The following GLCCI1 variants were observed in gnomAD, a reference collection of about 807,000 sequenced individuals.
GLCCI1 encodes the protein glucocorticoid-induced transcript 1 protein.
GLCCI1 carries 24 observed loss-of-function variants against 52.2 expected under a neutral mutation model. The observed-to-expected ratio is 0.46, with a 90% CI of 0.33 to 0.65. The LOEUF (loss-of-function observed/expected upper bound fraction) is 0.65, where lower values mean the gene tolerates loss of function less well. GLCCI1 is among the 30% of genes least tolerant of loss of function. The probability of loss-of-function intolerance (pLI) is 0.02; values close to 1 mark genes in which losing one functional copy is unlikely to be tolerated. For missense variants in GLCCI1, 704 were observed against 701.5 expected, an observed-to-expected ratio of 1.00 and a Z score of -0.04; for synonymous variants, 310 against 276.5, an observed-to-expected ratio of 1.12 and a Z score of -1.20.
chr7:8,033,964 C>T (rs1019828852), intron 3 of GLCCI1, among the ~76,000 whole-genome samples: 115 of 151,996 alleles, frequency 7.6e-4, no homozygotes, highest in African/African-American at 2.6e-3. Context: ...ATCTTGAAAA[C>T]GAAAAATTTG....
chr7:7,980,983 A>C, intron 1 of GLCCI1: 1 of 561,134 alleles, frequency 1.8e-6, no homozygotes. Flanking sequence ...AAATGAAGAA[A>C]TTGATCATTT....
At chr7:8,004,148 C>G in intron 2 of GLCCI1, 89 bp downstream of exon 2, 1 of 1,201,230 alleles carries the variant, frequency 8.3e-7, no homozygotes, top group Non-Finnish European at 1.1e-6. Context: ...TCAAATTTCC[C>G]CAAATTTGAA....
At chr7:8,000,798 T>G (rs964705280) in intron 1 of GLCCI1, among the ~76,000 whole-genome samples, 6 of 152,246 alleles carry the variant, frequency 3.9e-5, no homozygotes, top group Admixed American at 1.3e-4. Context: ...TGTAATGGCC[T>G]TCTTTGTCTC....
intron 1 of GLCCI1, among the ~76,000 whole-genome samples, chr7:7,972,970 T>C (rs1373940024): frequency 6.6e-6 from 1 of 152,174 alleles, no homozygotes; most frequent in African/African-American, 2.4e-5. Context: ...TTTTTTTCTT[T>C]TGTATTTTTA....
At chr7:7,973,922 A>G (rs962183318) in intron 1 of GLCCI1, among the ~76,000 whole-genome samples, 4 of 151,990 alleles carry the variant, frequency 2.6e-5, no homozygotes, top group Non-Finnish European at 5.9e-5. Context: ...TTTCTCTTTT[A>G]AAAGAGATAC....
chr7:7,992,043 T>TCTTCTTTC (rs1780847411), intron 1 of GLCCI1, among the ~76,000 whole-genome samples: 1 of 128,714 alleles, frequency 7.8e-6, no homozygotes, highest in African/African-American at 3.0e-5. Flanking sequence ...AGAATTTATT[T>TCTTCTTTC]TTTCTTTCTT....
intron 6 of GLCCI1, among the ~76,000 whole-genome samples, chr7:8,082,097 T>G (rs991792253): frequency 2.0e-5 from 3 of 152,326 alleles, no homozygotes; most frequent in Admixed American, 2.0e-4. Context: ...ACTTCTCATC[T>G]TGAATCTCCT....
At chr7:7,986,728 C>T (rs1320585959) in intron 1 of GLCCI1, among the ~76,000 whole-genome samples, 3 of 152,138 alleles carry the variant, frequency 2.0e-5, no homozygotes, top group Admixed American at 1.3e-4. Context: ...AGACTTGGTA[C>T]AGAAATGGAG....
chr7:8,016,963 CAA>C (rs1239941583), intron 2 of GLCCI1, among the ~76,000 whole-genome samples: 1 of 152,164 alleles, frequency 6.6e-6, no homozygotes. Context: ...AGAAATGACA[CAA>C]GTGACCCCAG....
At chr7:8,060,280 T>C in intron 5 of GLCCI1, 32 bp downstream of exon 5, 1 of 1,565,826 alleles carries the variant, frequency 6.4e-7, no homozygotes. Flanking sequence ...GAATCCTTTT[T>C]TTCTCTGATA....
chr7:8,082,172 T>G (rs1425651360), intron 6 of GLCCI1, among the ~76,000 whole-genome samples: 2 of 152,204 alleles, frequency 1.3e-5, no homozygotes, highest in Non-Finnish European at 2.9e-5. Flanking sequence ...AACACAGAGT[T>G]TTAAATGAAT....
intron 1 of GLCCI1, among the ~76,000 whole-genome samples, chr7:7,974,006 AAATT>A (rs1403923023): frequency 6.6e-6 from 1 of 151,996 alleles, no homozygotes; most frequent in Non-Finnish European, 1.5e-5. Context: ...TTCCATTTTA[AAATT>A]AATTAATTTT....
rs929509 is a variant in GLCCI1 at position 8,086,334 on chromosome 7, C to T, written c.1440C>T (p.Ser480=). Residue 480 remains serine (S), a synonymous_variant, in exon 8 of 8, where the codon TCC becomes TCT. Transcript: ENST00000223145. This position sits in a 1 kb window ranked among gnomAD's most constrained non-coding sequence, Gnocchi z 4.4. The part of the protein sequence containing the change: ...LPASDLMLKN[S]PNSGQSSALA... ...CTTCTGACCTTATGCTCAAGAACTC[C>T]CCTAACTCTGGCCAGAGCTCAGCTT... 0.7 allele frequency: 1,129,250 copies of T among 1,613,742 alleles called. 396,922 individuals carry two copies. Among genetic ancestry groups the T allele is most frequent in the African/African-American group, 0.86 (64,330 of 74,954 alleles).
At chr7:8,010,890 C>G (rs909859845) in intron 2 of GLCCI1, among the ~76,000 whole-genome samples, 3 of 151,874 alleles carry the variant, frequency 2.0e-5, no homozygotes, top group African/African-American at 7.3e-5. Flanking sequence ...GGATCATGGG[C>G]ATCTCTCCTT....
At chr7:8,014,093 G>C (rs1258638724) in intron 2 of GLCCI1, among the ~76,000 whole-genome samples, 1 of 151,360 alleles carries the variant, frequency 6.6e-6, no homozygotes, top group East Asian at 1.9e-4. Flanking sequence ...AGGTTCAAGT[G>C]ATTCTCCTGC....
At chr7:8,048,241 G>A (rs188595825) in intron 3 of GLCCI1, among the ~76,000 whole-genome samples, 9 of 152,146 alleles carry the variant, frequency 5.9e-5, no homozygotes, top group African/African-American at 1.9e-4. Flanking sequence ...CTGGGTTAGT[G>A]TATCTCTTAC....
chr7:8,045,691 T>C (rs984920815), intron 3 of GLCCI1, among the ~76,000 whole-genome samples: 3 of 152,142 alleles, frequency 2.0e-5, no homozygotes, highest in Non-Finnish European at 4.4e-5. Context: ...AACCCTATAA[T>C]ATATGTAGAT....
intron 3 of GLCCI1, among the ~76,000 whole-genome samples, chr7:8,050,340 AT>A (rs1277154826): frequency 2.0e-5 from 3 of 152,180 alleles, no homozygotes; most frequent in Non-Finnish European, 4.4e-5. Context: ...AACAACAGTG[AT>A]TATTCATATT....
chr7:7,983,718 G>A (rs527352258), intron 1 of GLCCI1, among the ~76,000 whole-genome samples: 3 of 152,328 alleles, frequency 2.0e-5, no homozygotes, highest in African/African-American at 7.2e-5. Flanking sequence ...GTGCATGCAA[G>A]TCCTGTGAAT....
Sources: allele counts gnomAD v4.1 joint callset (sites outside exome capture counted in the v4.1 genomes callset), GRCh38; gene constraint gnomAD v4.1.1; non-coding constraint Gnocchi (gnomAD v3.1); transcripts MANE v1.5; gene names NCBI Gene and HGNC (gene_info 2026-07-23, HGNC 2026-07-21).